The following FAT3 variants were observed in gnomAD, a reference collection of about 807,000 sequenced individuals.
The protein encoded by FAT3 is FAT atypical cadherin 3, also known as protocadherin Fat 3.
FAT3 carries 95 observed loss-of-function variants against 310.2 expected under a neutral mutation model. The observed-to-expected ratio is 0.31, with a 90% CI of 0.26 to 0.36. The LOEUF (loss-of-function observed/expected upper bound fraction) is 0.36. Ranked by LOEUF, FAT3 falls within the 10% of genes least tolerant of loss-of-function variation. FAT3 has a pLI of 1.00. For synonymous variants in FAT3, 2,314 were observed against 2,192.9 expected (o/e 1.06, Z -1.54); for missense variants, 5,408 against 5,715.6 (o/e 0.95, Z 1.74).
At chr11:92,665,169 A>G (rs1465534231) in intron 3 of FAT3, among the ~76,000 whole-genome samples, 2 of 152,178 alleles carry the variant, frequency 1.3e-5, no homozygotes, top group Non-Finnish European at 2.9e-5. Flanking sequence ...GTTTGCCTCA[A>G]AAATAAAGAT....
chr11:92,642,395 T>C (rs974032339), intron 3 of FAT3, among the ~76,000 whole-genome samples: 20 of 152,194 alleles, frequency 1.3e-4, no homozygotes, highest in African/African-American at 4.8e-4. Context: ...TACAATTTGA[T>C]ATTTTAACCT....
intron 10 of FAT3, among the ~76,000 whole-genome samples, chr11:92,804,812 C>T (rs917884378): frequency 6.6e-6 from 1 of 152,198 alleles, no homozygotes; most frequent in African/African-American, 2.4e-5. Flanking sequence ...TCTCTTGAGA[C>T]TAAGTGGAAA....
intron 1 of FAT3, among the ~76,000 whole-genome samples, chr11:92,298,938 C>G (rs1406806218): frequency 2.0e-5 from 3 of 152,022 alleles, no homozygotes; most frequent in Non-Finnish European, 4.4e-5. Flanking sequence ...AAGTTCAGAA[C>G]ACTTATCTAA....
intron 2 of FAT3, among the ~76,000 whole-genome samples, chr11:92,416,789 A>G (rs190933671): frequency 6.6e-6 from 1 of 152,210 alleles, no homozygotes; most frequent in African/African-American, 2.4e-5. Context: ...GGGTGAACGC[A>G]GACAGAAATT....
intron 3 of FAT3, among the ~76,000 whole-genome samples, chr11:92,585,515 A>G (rs1025672883): frequency 3.9e-5 from 6 of 152,032 alleles, no homozygotes; most frequent in African/African-American, 7.2e-5. Context: ...TCCATAGATA[A>G]GTTAGAAAAG....
At chr11:92,723,231 C>T (rs973064009) in intron 4 of FAT3, among the ~76,000 whole-genome samples, 1 of 152,138 alleles carries the variant, frequency 6.6e-6, no homozygotes, top group Non-Finnish European at 1.5e-5. Flanking sequence ...ACCAGATACC[C>T]TAAATCATCT....
At chr11:92,790,638 C>T (rs1947017696) in intron 8 of FAT3, among the ~76,000 whole-genome samples, 1 of 152,144 alleles carries the variant, frequency 6.6e-6, no homozygotes, top group Admixed American at 6.5e-5. Flanking sequence ...GAAGGATTTA[C>T]AAAACCAATT....
chr11:92,648,631 C>T lies in FAT3; in HGVS notation c.3608-48753C>T, dbSNP rs190623638. Among the ~76,000 whole-genome samples the T allele has an allele frequency of 9.2e-5, 14 of 152,304 alleles. No homozygotes were observed. The East Asian group carries it at 2.7e-3, about 29-fold the overall frequency. On this transcript the variant is annotated intron_variant, in intron 3 of 27. Coordinates refer to ENST00000525166, the MANE Select transcript of FAT3 (RefSeq NM_001367949.2). ...ATTCGTTTTCTGCCTCTGCCCAATC[C>T]TACTCCCTTTACAGCCCCACAGCTG...
intron 5 of FAT3, among the ~76,000 whole-genome samples, chr11:92,762,988 T>C (rs933376666): frequency 4.6e-5 from 7 of 151,910 alleles, no homozygotes; most frequent in Non-Finnish European, 1.0e-4. Context: ...TAAAACCCCG[T>C]CTCTACCAAA....
intron 2 of FAT3, among the ~76,000 whole-genome samples, chr11:92,369,152 C>T (rs1049454531): frequency 1.5e-4 from 23 of 151,926 alleles, no homozygotes; most frequent in East Asian, 5.8e-4. Flanking sequence ...TGAACTGATG[C>T]GGTTAAAATA....
At chr11:92,592,838 A>C (rs1018429855) in intron 3 of FAT3, among the ~76,000 whole-genome samples, 2 of 152,120 alleles carry the variant, frequency 1.3e-5, no homozygotes, top group African/African-American at 4.8e-5. Context: ...CCATAACATA[A>C]AATTTACCAT....
intron 2 of FAT3, among the ~76,000 whole-genome samples, chr11:92,503,381 A>G (rs1409545611): frequency 1.3e-5 from 2 of 152,136 alleles, no homozygotes; most frequent in African/African-American, 4.8e-5. Flanking sequence ...TGTGCTAAGC[A>G]GTTTACATAG....
intron 3 of FAT3, among the ~76,000 whole-genome samples, chr11:92,617,022 C>T (rs1940844138): frequency 6.6e-6 from 1 of 152,100 alleles, no homozygotes; most frequent in Non-Finnish European, 1.5e-5. Context: ...GAATGTTGGC[C>T]TGCCTTGCTA....
intron 3 of FAT3, among the ~76,000 whole-genome samples, chr11:92,594,259 A>C (rs1162766591): frequency 6.6e-6 from 1 of 152,210 alleles, no homozygotes; most frequent in East Asian, 1.9e-4. Flanking sequence ...CCTGGGCAAC[A>C]TGGAGAAACC....
intron 1 of FAT3, among the ~76,000 whole-genome samples, chr11:92,290,606 A>G (rs1458633848): frequency 6.6e-6 from 1 of 151,756 alleles, no homozygotes; most frequent in Non-Finnish European, 1.5e-5. Flanking sequence ...ACACACAAAA[A>G]TACAAAAATT....
intron 2 of FAT3, among the ~76,000 whole-genome samples, chr11:92,486,055 A>T (rs188936905): frequency 7.7e-4 from 116 of 149,772 alleles, no homozygotes; most frequent in Admixed American, 2.2e-3. Flanking sequence ...TAGGTAGGAG[A>T]TATGGGAAAA....
At chr11:92,772,678 A>G (rs10765560) in intron 6 of FAT3, among the ~76,000 whole-genome samples, 68,652 of 151,870 alleles carry the variant, frequency 0.45, 16,388 homozygotes, top group South Asian at 0.64. Context: ...TATCTCCGTA[A>G]CTTTAATTAA....
intron 4 of FAT3, among the ~76,000 whole-genome samples, chr11:92,761,626 G>A (rs915607091): frequency 6.6e-6 from 1 of 152,042 alleles, no homozygotes; most frequent in African/African-American, 2.4e-5. Context: ...CAATCCTTAT[G>A]ATCTCATTTA....
chr11:92,524,525 G>A lies in FAT3; in HGVS notation c.3293-109G>A. 4.1e-6 allele frequency: 4 copies of A among 972,902 alleles called. No homozygotes were observed. The South Asian group carries it at 5.3e-5, about 13-fold the overall frequency. The allele number at this position is 972,902 out of a possible 1,614,324, so 60.3% of individuals were successfully genotyped here. A position where few individuals can be genotyped will look rare whatever the true frequency, so the allele number is the denominator to read the frequency against. On this transcript the variant is annotated intron_variant, in intron 2 of 27. Coordinates refer to ENST00000525166, the MANE Select transcript of FAT3 (RefSeq NM_001367949.2). Reference sequence around the variant, plus strand: ...ATTTAACCTTATGTTATGGATTTGGGTGTTTTTCATATGCCAAGATTATTT... The same window carrying A: ...ATTTAACCTTATGTTATGGATTTGGATGTTTTTCATATGCCAAGATTATTT...
Sources: gnomAD v4.1 joint callset for allele counts (sites outside exome capture counted in the v4.1 genomes callset) on GRCh38, gnomAD v4.1.1 for gene constraint, MANE v1.5 for transcripts, NCBI Gene and HGNC (gene_info 2026-07-23, HGNC 2026-07-21) for gene names.